The following ISM1 variants were observed in gnomAD, a reference collection of about 807,000 sequenced individuals.
ISM1 encodes the protein isthmin-1.
Under a neutral mutation model 46.3 loss-of-function variants are expected in ISM1, and 25 were observed. The observed-to-expected ratio is 0.54, with a 90% CI of 0.39 to 0.75. The LOEUF is 0.75. Ranked by LOEUF, ISM1 falls within the 30% of genes least tolerant of loss-of-function variation. The pLI, the probability that ISM1 is intolerant of heterozygous loss-of-function variation, is 0.00. For missense variants in ISM1, 536 were observed against 625.4 expected (o/e 0.86, Z 1.52); for synonymous variants, 255 against 256.7 (o/e 0.99, Z 0.06).
chr20:13,265,287 T>C (rs1488512987), intron 1 of ISM1, among the ~76,000 whole-genome samples: 2 of 152,164 alleles, frequency 1.3e-5, no homozygotes, highest in East Asian at 1.9e-4. Context: ...AGTTCAAACA[T>C]TGCTTCCTCT....
chr20:13,303,527 A>G (rs2040475854), downstream of ISM1, among the ~76,000 whole-genome samples: 2 of 152,182 alleles, frequency 1.3e-5, no homozygotes, highest in South Asian at 2.1e-4. Context: ...CAGGGGCAAC[A>G]TAACAGGCAC....
intron 3 of ISM1, among the ~76,000 whole-genome samples, chr20:13,287,508 C>T (rs2123305069): frequency 6.6e-6 from 1 of 152,332 alleles, no homozygotes; most frequent in Non-Finnish European, 1.5e-5. Context: ...CACCTCTCAC[C>T]TCCAAGCCCC....
chr20:13,270,708 A>G lies in ISM1; in HGVS notation c.343A>G (p.Lys115Glu). Residue 115 changes from lysine to glutamate, a missense_variant, in exon 2 of 6, where the codon AAA (lysine) becomes GAA (glutamate). By Grantham distance (56) the Lys-to-Glu change is moderately conservative. Transcript: ENST00000262487. ...TCTACCAAACTTTCCAGATCTTTCCAAAGCTGATATCAATGGGCAGAATCC... is the reference window on the plus strand; with the variant it reads ...TCTACCAAACTTTCCAGATCTTTCCGAAGCTGATATCAATGGGCAGAATCC... ...LDLPNFPDLS[K>E]ADINGQNPNI... is the part of the protein sequence containing the mutation. 6.2e-7 allele frequency: 1 copy of G among 1,613,938 alleles called. No individual in the cohort carries two copies. The highest frequency in any genetic ancestry group is 1.1e-5 in the South Asian group (1 of 91,058).
At chr20:13,224,151 G>GTAAT (rs1233364177) in intron 1 of ISM1, among the ~76,000 whole-genome samples, 3 of 152,116 alleles carry the variant, frequency 2.0e-5, no homozygotes, top group Non-Finnish European at 4.4e-5. Flanking sequence ...AGCTTATCTT[G>GTAAT]TAATAGTGTT....
chr20:13,294,038 G>A, intron 5 of ISM1, among the ~76,000 whole-genome samples: 1 of 152,090 alleles, frequency 6.6e-6, no homozygotes, highest in East Asian at 1.9e-4. Context: ...GGGCAGTAGA[G>A]AATGGTAGGG....
chr20:13,240,991 G>C (rs1429246978), intron 1 of ISM1, among the ~76,000 whole-genome samples: 1 of 152,210 alleles, frequency 6.6e-6, no homozygotes, highest in Non-Finnish European at 1.5e-5. Context: ...GGAGCTGAGA[G>C]TGAGGTGTCA....
chr20:13,325,505 T>C, the ISM1 span, among the ~76,000 whole-genome samples: 1 of 152,076 alleles, frequency 6.6e-6, no homozygotes, highest in African/African-American at 2.4e-5. Context: ...GGAAAGGTGA[T>C]AGGGGGATTA....
In ISM1 at chr20:13,299,613, GT is replaced by G; in HGVS notation, c.*155del. 1.7e-5 allele frequency: 13 copies of G among 759,708 alleles called. No individual in the cohort carries two copies. Among genetic ancestry groups the G allele is most frequent in the Non-Finnish European group, 2.7e-5 (13 of 484,994 alleles). The allele number at this position is 759,708 out of a possible 1,614,324, so 47.1% of individuals were successfully genotyped here. On this transcript the variant is annotated 3_prime_UTR_variant, in exon 6 of 6. Transcript: ENST00000262487. The surrounding 1 kb of genome is among the most constrained non-coding windows in gnomAD (Gnocchi z 5.8). The stretch of plus-strand genomic sequence containing the variant: ...TTCTCATACATTACGCTAGGGGCGT[GT>G]GCCACGCCCAGGGGACTGCCTTGTG...
chr20:13,294,364 A>G (rs1164424896), intron 5 of ISM1, among the ~76,000 whole-genome samples: 1 of 152,206 alleles, frequency 6.6e-6, no homozygotes, highest in Non-Finnish European at 1.5e-5. Context: ...TGCAAATACA[A>G]TGCATTTGAC....
chr20:13,322,512 G>A, the ISM1 span, among the ~76,000 whole-genome samples: 10 of 152,152 alleles, frequency 6.6e-5, no homozygotes, highest in African/African-American at 1.4e-4. Flanking sequence ...AGGTCCATAT[G>A]AGGTTCTCAA....
chr20:13,249,803 T>G (rs57198832), intron 1 of ISM1, among the ~76,000 whole-genome samples: 1 of 124,384 alleles, frequency 8.0e-6, no homozygotes, highest in African/African-American at 3.2e-5. Flanking sequence ...TTGTTTTGTT[T>G]TGTTTTGTTT....
At chr20:13,324,137 C>A in the ISM1 span, among the ~76,000 whole-genome samples, 1 of 152,202 alleles carries the variant, frequency 6.6e-6, no homozygotes. Context: ...TGGGACCTAG[C>A]TGTGAAATCA....
chr20:13,227,959 CT>C (rs747478331), intron 1 of ISM1, among the ~76,000 whole-genome samples: 5,777 of 128,888 alleles, frequency 0.045, 66 homozygotes, highest in African/African-American at 0.073. Flanking sequence ...CTGCTGCTGC[CT>C]TTTTTTTTTT....
intron 2 of ISM1, among the ~76,000 whole-genome samples, chr20:13,277,142 AG>A (rs2040188645): frequency 6.6e-6 from 1 of 152,060 alleles, no homozygotes; most frequent in African/African-American, 2.4e-5. Context: ...AGCAGTTTGG[AG>A]AAAAAAAAAA....
the ISM1 span, among the ~76,000 whole-genome samples, chr20:13,320,555 T>A: frequency 1.3e-5 from 2 of 152,212 alleles, no homozygotes; most frequent in South Asian, 4.1e-4. Flanking sequence ...GGATGCTATG[T>A]CAATTAGGAT....
At chr20:13,318,160 T>TAAATAAAA in the ISM1 span, among the ~76,000 whole-genome samples, 2 of 151,264 alleles carry the variant, frequency 1.3e-5, no homozygotes, top group South Asian at 4.2e-4. Context: ...AATAAATAAA[T>TAAATAAAA]AAAAATGAGC....
chr20:13,279,801 T>C lies in ISM1; in HGVS notation c.546T>C (p.Ser182=). Residue 182 remains serine, a synonymous_variant, in exon 3 of 6, where the codon AGT becomes AGC. Coordinates refer to ENST00000262487, the MANE Select transcript of ISM1 (RefSeq NM_080826.2). ...NSGDQDYKYD[S]TSDDSNFLNP... ...GGGACCAGGACTACAAGTACGACAG[T>C]ACCTCAGACGACAGCAACTTCCTCA... is the stretch of plus-strand genomic sequence containing the variant. 2 of 1,613,994 alleles carry C rather than the reference T, an allele frequency of 1.2e-6. No homozygotes were observed. Among genetic ancestry groups the C allele is most frequent in the Non-Finnish European group, 1.7e-6 (2 of 1,179,884 alleles).
At chr20:13,297,641 G>A (rs1038070380) in intron 5 of ISM1, among the ~76,000 whole-genome samples, 8 of 152,204 alleles carry the variant, frequency 5.3e-5, no homozygotes, top group Non-Finnish European at 1.2e-4. Flanking sequence ...CCCTGTCCAT[G>A]GAGGGGTCAC....
At chr20:13,284,201 A>C (rs116819858) in intron 3 of ISM1, among the ~76,000 whole-genome samples, 5,974 of 152,326 alleles carry the variant, frequency 0.039, 346 homozygotes, top group African/African-American at 0.13. Context: ...ATCTAGGATT[A>C]GTGGTGCAGG....
Sources: gnomAD v4.1 joint callset for allele counts (sites outside exome capture counted in the v4.1 genomes callset) on GRCh38, gnomAD v4.1.1 for gene constraint, Gnocchi (gnomAD v3.1) non-coding constraint, MANE v1.5 for transcripts, NCBI Gene and HGNC (gene_info 2026-07-23, HGNC 2026-07-21) for gene names.